The following ITSN2 variants were observed in gnomAD, a reference collection of about 807,000 sequenced individuals.
The protein encoded by ITSN2 is intersectin-2.
Under a neutral mutation model 243.7 loss-of-function variants are expected in ITSN2, and 156 were observed. The observed-to-expected ratio is 0.64, with a 90% CI of 0.56 to 0.73. The LOEUF (loss-of-function observed/expected upper bound fraction) is 0.73, where lower values mean the gene tolerates loss of function less well. Among genes scored for constraint, ITSN2 ranks in the 30% least tolerant of loss-of-function variants. ITSN2 has a pLI of 0.00. For synonymous variants in ITSN2, 703 were observed against 699.9 expected, an observed-to-expected ratio of 1.00 and a Z score of -0.07; for missense variants, 1,801 against 1,996.1, an observed-to-expected ratio of 0.90 and a Z score of 1.86.
chr2:24,254,732 T>C (rs1674793080), intron 23 of ITSN2, among the ~76,000 whole-genome samples: 1 of 152,164 alleles, frequency 6.6e-6, no homozygotes, highest in South Asian at 2.1e-4. Context: ...ACCCACAAAT[T>C]GTTAAGTGGT....
Position 24,259,834 on chromosome 2 carries a change from T to C in ITSN2, c.2682+1272A>G, listed in dbSNP as rs116763511. On this transcript the variant is annotated intron_variant, in intron 22 of 39. Transcript: ENST00000355123. ...ATACCCCCTACAGACCTTGTAGATATCTTTAATACAGCATTTCTCATGCTT... is the reference window on the plus strand; with the variant it reads ...ATACCCCCTACAGACCTTGTAGATACCTTTAATACAGCATTTCTCATGCTT... Among the ~76,000 whole-genome samples, 751 of 152,288 alleles carry C rather than the reference T, an allele frequency of 4.9e-3. 8 individuals are homozygous for C. Among genetic ancestry groups the C allele is most frequent in the African/African-American group, 0.017 (720 of 41,558 alleles).
chr2:24,259,320 C>T (rs1675499227), intron 22 of ITSN2, among the ~76,000 whole-genome samples: 1 of 152,180 alleles, frequency 6.6e-6, no homozygotes. Flanking sequence ...AAATCTATCT[C>T]CTCTTTCTTA....
At chr2:24,240,829 T>C (rs560611686) in intron 29 of ITSN2, 1 of 152,356 alleles carries the variant, frequency 6.6e-6, no homozygotes, top group South Asian at 2.1e-4. Flanking sequence ...TTCTCCTTGA[T>C]TTTCAAATAT....
intron 1 of ITSN2, among the ~76,000 whole-genome samples, chr2:24,347,381 A>AT (rs781626099): frequency 1.7e-3 from 72 of 43,168 alleles, no homozygotes; most frequent in Non-Finnish European, 3.4e-3. Flanking sequence ...ATATAATGTA[A>AT]TTAAAAAAAA....
At chr2:24,359,709 T>C (rs988771614) in intron 1 of ITSN2, among the ~76,000 whole-genome samples, 1 of 152,186 alleles carries the variant, frequency 6.6e-6, no homozygotes, top group Non-Finnish European at 1.5e-5. Context: ...CTGTATATTC[T>C]GGAAGTCAAT....
At chr2:24,295,024 G>A (rs1680757608) in intron 14 of ITSN2, among the ~76,000 whole-genome samples, 1 of 152,128 alleles carries the variant, frequency 6.6e-6, no homozygotes, top group African/African-American at 2.4e-5. Context: ...AGAACTATGA[G>A]TAATAAATTT....
intron 18 of ITSN2, 124 bp downstream of exon 18, chr2:24,275,589 G>C: frequency 3.1e-6 from 2 of 654,328 alleles, no homozygotes; most frequent in Non-Finnish European, 4.7e-6. Flanking sequence ...CTGAACTTAT[G>C]AGATCCAGAA....
intron 25 of ITSN2, among the ~76,000 whole-genome samples, chr2:24,250,816 T>C (rs1673988162): frequency 6.6e-6 from 1 of 152,168 alleles, no homozygotes; most frequent in Admixed American, 6.5e-5. Flanking sequence ...GGATGAATTT[T>C]TTTATACTTC....
intron 1 of ITSN2, among the ~76,000 whole-genome samples, chr2:24,344,161 T>C (rs539748164): frequency 6.6e-6 from 1 of 152,350 alleles, no homozygotes; most frequent in African/African-American, 2.4e-5. Context: ...TTTAAATAGG[T>C]GTACAGCATT....
intron 2 of ITSN2, among the ~76,000 whole-genome samples, chr2:24,318,944 G>A (rs1182117089): frequency 2.0e-5 from 3 of 152,174 alleles, no homozygotes; most frequent in Non-Finnish European, 4.4e-5. Flanking sequence ...ATTCTCATAG[G>A]AGCACAAACC....
At chr2:24,214,018 A>T (rs1474791726) in intron 32 of ITSN2, among the ~76,000 whole-genome samples, 2 of 152,202 alleles carry the variant, frequency 1.3e-5, no homozygotes, top group Non-Finnish European at 2.9e-5. Flanking sequence ...CCTTTTATAG[A>T]TGAGGGGACT....
At chr2:24,261,361 G>T in intron 21 of ITSN2, 111 bp from the exon 22 acceptor site, 1 of 930,798 alleles carries the variant, frequency 1.1e-6, no homozygotes, top group Non-Finnish European at 1.6e-6. Context: ...CACAATTTGT[G>T]GGAAAAGAAA....
chr2:24,203,866 TA>T (rs1203513128), intron 39 of ITSN2, 83 bp from the exon 40 acceptor site: 2 of 1,410,548 alleles, frequency 1.4e-6, no homozygotes, highest in Non-Finnish European at 1.9e-6. Flanking sequence ...AGTGGATTCA[TA>T]AAACCTTCAA....
At chr2:24,237,066 A>C (rs762451824) in intron 29 of ITSN2, among the ~76,000 whole-genome samples, 15 of 152,092 alleles carry the variant, frequency 9.9e-5, no homozygotes, top group South Asian at 2.1e-4. Context: ...ATATCAGCAC[A>C]CTAGTGTAGA....
At chr2:24,347,844 G>T (rs147853737) in intron 1 of ITSN2, among the ~76,000 whole-genome samples, 1 of 151,966 alleles carries the variant, frequency 6.6e-6, no homozygotes, top group African/African-American at 2.4e-5. Context: ...AGGCCAACGC[G>T]GGAGAATCAT....
At chr2:24,236,821 C>T (rs967188127) in intron 29 of ITSN2, among the ~76,000 whole-genome samples, 1 of 151,788 alleles carries the variant, frequency 6.6e-6, no homozygotes, top group Non-Finnish European at 1.5e-5. Flanking sequence ...AGGCGTGCAG[C>T]AGCACCACTC....
At chr2:24,360,923 C>T (rs1013852299), upstream of ITSN2, among the ~76,000 whole-genome samples, 1 of 152,248 alleles carries the variant, frequency 6.6e-6, no homozygotes, top group Non-Finnish European at 1.5e-5. Flanking sequence ...CTCCCTGGAA[C>T]CTTCTCACTC....
At chr2:24,319,638 A>G (rs1386568195) in intron 2 of ITSN2, among the ~76,000 whole-genome samples, 1 of 152,220 alleles carries the variant, frequency 6.6e-6, no homozygotes, top group East Asian at 1.9e-4. Context: ...AAAAACAAGG[A>G]CTAGACTCAA....
At position 24,271,862 on chromosome 2, in the gene ITSN2, C is replaced by T. The variant is rs1341749147; in HGVS notation, c.2161G>A (p.Glu721Lys). Residue 721 changes from glutamate (E) to lysine (K), a missense_variant, in exon 19 of 40, where the codon GAA (glutamate) becomes AAA (lysine). Glu to Lys is a moderately conservative substitution (Grantham distance 56). Around this residue, in one of 5 missense-constraint regions of ITSN2, gnomAD observed 787 missense variants for 803.9 expected, o/e 0.98. Transcript: ENST00000355123. Reference protein sequence around the residue: ...EEEEKQKRLQEEKTQEKIQEE... With the variant: ...EEEEKQKRLQKEKTQEKIQEE... Reference sequence around the variant, plus strand: ...TGAATTTTTTCTTGTGTTTTTTCTTCCTGGAGTCGCTTTTGTTTTTCTTCT... The same window carrying T: ...TGAATTTTTTCTTGTGTTTTTTCTTTCTGGAGTCGCTTTTGTTTTTCTTCT... 1 of 1,609,052 alleles carries T rather than the reference C, an allele frequency of 6.2e-7. No individual in the cohort carries two copies. Among genetic ancestry groups the T allele is most frequent in the Non-Finnish European group, 8.5e-7 (1 of 1,178,722 alleles).
Sources: allele counts gnomAD v4.1 joint callset (sites outside exome capture counted in the v4.1 genomes callset), GRCh38; gene constraint gnomAD v4.1.1; regional missense constraint gnomAD v4.1.1; transcripts MANE v1.5; gene names NCBI Gene and HGNC (gene_info 2026-07-23, HGNC 2026-07-21).